SLC25A26: variants seen among roughly 807,000 people sequenced by gnomAD.
The protein encoded by SLC25A26 is solute carrier family 25 member 26.
Under a neutral mutation model 37.8 loss-of-function variants are expected in SLC25A26, and 36 were observed. The ratio of observed to expected loss-of-function variants is 0.95; its 90% confidence interval spans 0.73 to 1.26. The LOEUF (loss-of-function observed/expected upper bound fraction) is 1.26, where lower values mean the gene tolerates loss of function less well. Ranked by LOEUF, SLC25A26 falls within the 50% of genes most tolerant of loss-of-function variation. The pLI is 0.00. For missense variants in SLC25A26, 390 were observed against 331.1 expected, an observed-to-expected ratio of 1.18 and a Z score of -1.38; for synonymous variants, 129 against 122.5, an observed-to-expected ratio of 1.05 and a Z score of -0.35.
chr3:66,144,151 T>C (rs572226006), intron 1 of SLC25A26, among the ~76,000 whole-genome samples: 9 of 152,208 alleles, frequency 5.9e-5, no homozygotes, highest in African/African-American at 2.2e-4. Flanking sequence ...AGCTGAGACC[T>C]GAATGATAAC....
intron 1 of SLC25A26, among the ~76,000 whole-genome samples, chr3:66,172,477 T>G (rs145777542): frequency 6.8e-6 from 1 of 146,954 alleles, no homozygotes; most frequent in African/African-American, 2.5e-5. Context: ...AAAATAAATT[T>G]TCAGTTCAGG....
intron 9 of SLC25A26, among the ~76,000 whole-genome samples, chr3:66,374,269 A>C (rs1700512716): frequency 6.6e-6 from 1 of 152,086 alleles, no homozygotes; most frequent in Non-Finnish European, 1.5e-5. Flanking sequence ...GCACATGATG[A>C]CTTTGTGTCT....
chr3:66,192,525 G>A (rs991888932), intron 1 of SLC25A26, among the ~76,000 whole-genome samples: 5 of 152,006 alleles, frequency 3.3e-5, no homozygotes, highest in East Asian at 3.9e-4. Flanking sequence ...CTCAGTCTAC[G>A]GTATTCTGTT....
At chr3:66,223,746 C>T (rs1438231404) in intron 1 of SLC25A26, among the ~76,000 whole-genome samples, 8 of 152,126 alleles carry the variant, frequency 5.3e-5, no homozygotes, top group Non-Finnish European at 1.0e-4. Flanking sequence ...ATGCTCCCTT[C>T]CTAAAGCTTC....
chr3:66,153,525 G>A (rs1364223644), intron 1 of SLC25A26, among the ~76,000 whole-genome samples: 1 of 152,248 alleles, frequency 6.6e-6, no homozygotes, highest in Non-Finnish European at 1.5e-5. Context: ...ATCTGATAAA[G>A]TCGCTGCTGA....
chr3:66,259,642 C>A (rs73833431), intron 3 of SLC25A26, among the ~76,000 whole-genome samples: 2,931 of 152,240 alleles, frequency 0.019, 101 homozygotes, highest in African/African-American at 0.067. Flanking sequence ...GAGCCATATT[C>A]ATTTCCAGAT....
chr3:66,143,553 T>C (rs1004514707), intron 1 of SLC25A26, among the ~76,000 whole-genome samples: 1 of 151,962 alleles, frequency 6.6e-6, no homozygotes, highest in Non-Finnish European at 1.5e-5. Context: ...GGTACCTAAT[T>C]TGTGATGCAA....
intron 6 of SLC25A26, among the ~76,000 whole-genome samples, chr3:66,360,258 G>C (rs2076667164): frequency 6.6e-6 from 1 of 152,112 alleles, no homozygotes; most frequent in Admixed American, 6.5e-5. Flanking sequence ...CCCTAAAAAT[G>C]TCAGACCACT....
At chr3:66,266,220 A>G (rs1222332087) in intron 5 of SLC25A26, among the ~76,000 whole-genome samples, 1 of 152,248 alleles carries the variant, frequency 6.6e-6, no homozygotes, top group African/African-American at 2.4e-5. Flanking sequence ...CTGTGATAGA[A>G]TGAGAGAAGA....
At chr3:66,325,066 A>G (rs1480092866) in intron 5 of SLC25A26, among the ~76,000 whole-genome samples, 1 of 151,942 alleles carries the variant, frequency 6.6e-6, no homozygotes, top group Non-Finnish European at 1.5e-5. Context: ...TTCAGATTGG[A>G]TTTTTCTTTA....
At chr3:66,223,912 T>C (rs1388083828) in intron 1 of SLC25A26, among the ~76,000 whole-genome samples, 1 of 152,140 alleles carries the variant, frequency 6.6e-6, no homozygotes, top group Non-Finnish European at 1.5e-5. Flanking sequence ...CCTAAAGATA[T>C]TTATATAAAT....
chr3:66,287,655 A>G (rs1390648228), intron 5 of SLC25A26, among the ~76,000 whole-genome samples: 1 of 152,252 alleles, frequency 6.6e-6, no homozygotes, highest in Non-Finnish European at 1.5e-5. Flanking sequence ...ACCTACGGGA[A>G]TGAGGAAAAG....
chr3:66,299,870 A>G (rs782751), intron 5 of SLC25A26, among the ~76,000 whole-genome samples: 97,099 of 152,038 alleles, frequency 0.64, 31,209 homozygotes, highest in East Asian at 0.76. Context: ...GGATGGTATC[A>G]TACTGCTTTT....
chr3:66,256,920 G>A (rs1036458902), intron 3 of SLC25A26, among the ~76,000 whole-genome samples: 1 of 152,150 alleles, frequency 6.6e-6, no homozygotes, highest in Non-Finnish European at 1.5e-5. Context: ...AAATTCTAAA[G>A]TATGGAGAAG....
chr3:66,198,591 A>C (rs2071074405), intron 1 of SLC25A26, among the ~76,000 whole-genome samples: 1 of 149,138 alleles, frequency 6.7e-6, no homozygotes, highest in East Asian at 2.0e-4. Context: ...CCTCTACATT[A>C]CTCTCACCCA....
intron 1 of SLC25A26, among the ~76,000 whole-genome samples, chr3:66,162,030 A>G (rs977583819): frequency 2.0e-5 from 3 of 152,190 alleles, no homozygotes; most frequent in African/African-American, 7.2e-5. Flanking sequence ...GGCTTCAACA[A>G]GAGAAATTGA....
In SLC25A26 at chr3:66,336,065, G is replaced by A. The variant is rs2076087198; in HGVS notation, c.454-10299G>A. ...AATTTTGCGTAAATGCACAGAGGAT[G>A]TATCTATACAAATGATTTGAATATT... On this transcript the variant is annotated intron_variant, in intron 5 of 9. Coordinates refer to ENST00000354883, the MANE Select transcript of SLC25A26 (RefSeq NM_001379210.1). Among the ~76,000 whole-genome samples, 9 of 152,166 alleles carry A rather than the reference G, an allele frequency of 5.9e-5. No homozygotes were observed. In the South Asian group the frequency reaches 1.7e-3, roughly 28 times the overall value.
chr3:66,160,893 C>T (rs1166343814), intron 1 of SLC25A26, among the ~76,000 whole-genome samples: 1 of 152,066 alleles, frequency 6.6e-6, no homozygotes, highest in African/African-American at 2.4e-5. Context: ...TGAGATCATA[C>T]CACTGCACTC....
rs186374901 is a variant in SLC25A26, at chr3:66,175,050, A to T, written c.-354+41066A>T. ...ATTCCTGCTGTATTAGGGATTGGTC[A>T]GGATTCTCCAGAGATACAGAACCAA... On this transcript the variant is annotated intron_variant, in intron 1 of 10. Coordinates refer to the SLC25A26 transcript ENST00000676754. Among the ~76,000 whole-genome samples the T allele has an allele frequency of 8.3e-4, 123 of 148,006 alleles. 1 individual carries two copies. The highest frequency in any genetic ancestry group is 2.9e-3 in the African/African-American group (118 of 40,602).
Sources: gnomAD v4.1 joint callset for allele counts (sites outside exome capture counted in the v4.1 genomes callset) on GRCh38, gnomAD v4.1.1 for gene constraint, MANE v1.5 for transcripts, NCBI Gene and HGNC (gene_info 2026-07-23, HGNC 2026-07-21) for gene names.